The following PDE4B variants were observed in gnomAD, a reference collection of about 807,000 sequenced individuals.
PDE4B encodes the protein phosphodiesterase 4B.
PDE4B carries 20 observed loss-of-function variants against 82.2 expected under a neutral mutation model. The observed-to-expected ratio is 0.24, with a 90% CI of 0.17 to 0.35. The LOEUF is 0.35. Among genes scored for constraint, PDE4B ranks in the 10% least tolerant of loss-of-function variants. The probability of loss-of-function intolerance (pLI) is 1.00; values close to 1 mark genes in which losing one functional copy is unlikely to be tolerated. For missense variants in PDE4B, 655 were observed against 907.2 expected (o/e 0.72, Z 3.57); for synonymous variants, 320 against 318.9 (o/e 1.00, Z -0.04).
chr1:66,102,020 G>C (rs1211505504), intron 3 of PDE4B, among the ~76,000 whole-genome samples: 2 of 152,112 alleles, frequency 1.3e-5, no homozygotes, highest in Non-Finnish European at 2.9e-5. Context: ...TAAGGTGTAA[G>C]GAAGGGATCC....
At chr1:66,024,068 A>G (rs1203937345) in intron 3 of PDE4B, among the ~76,000 whole-genome samples, 3 of 152,068 alleles carry the variant, frequency 2.0e-5, no homozygotes, top group East Asian at 1.9e-4. Context: ...ACTACTTTTC[A>G]TATTCCAGCC....
intron 1 of PDE4B, among the ~76,000 whole-genome samples, chr1:65,821,907 A>C (rs570528997): frequency 6.6e-6 from 1 of 152,378 alleles, no homozygotes; most frequent in African/African-American, 2.4e-5. Flanking sequence ...TAGAAAAATA[A>C]GGTATAAATA....
At chr1:65,801,755 G>A (rs891065889) in intron 1 of PDE4B, among the ~76,000 whole-genome samples, 1 of 152,172 alleles carries the variant, frequency 6.6e-6, no homozygotes, top group Admixed American at 6.5e-5. Context: ...ATACCAATGA[G>A]TCTTGAAAAT....
At chr1:66,263,138 T>C (rs775205169) in intron 6 of PDE4B, among the ~76,000 whole-genome samples, 3 of 152,238 alleles carry the variant, frequency 2.0e-5, no homozygotes, top group Admixed American at 6.5e-5. Flanking sequence ...TTGCTTAAAT[T>C]TCTCATAGAT....
intron 3 of PDE4B, among the ~76,000 whole-genome samples, chr1:66,205,156 C>T (rs1291463708): frequency 1.3e-5 from 2 of 152,154 alleles, no homozygotes; most frequent in African/African-American, 4.8e-5. Flanking sequence ...TAGAAAGAGA[C>T]TCATGGGCCC....
intron 3 of PDE4B, among the ~76,000 whole-genome samples, chr1:66,153,856 A>G (rs1006540136): frequency 3.3e-5 from 5 of 152,132 alleles, no homozygotes; most frequent in Admixed American, 6.6e-5. Context: ...ATAGAGGAGT[A>G]GTGTGTGTGA....
chr1:66,139,101 C>G (rs934456819), intron 3 of PDE4B, among the ~76,000 whole-genome samples: 4 of 152,220 alleles, frequency 2.6e-5, no homozygotes, highest in Non-Finnish European at 5.9e-5. Flanking sequence ...CAAATTACCA[C>G]AAATTAAGTG....
At chr1:65,965,544 G>A (rs1005352570) in intron 3 of PDE4B, among the ~76,000 whole-genome samples, 1 of 151,006 alleles carries the variant, frequency 6.6e-6, no homozygotes, top group African/African-American at 2.4e-5. Context: ...TAAAATGAAT[G>A]CCCTTATTTC....
At chr1:66,260,610 G>T (rs184605471) in intron 6 of PDE4B, among the ~76,000 whole-genome samples, 18 of 152,306 alleles carry the variant, frequency 1.2e-4, no homozygotes, top group African/African-American at 3.4e-4. Context: ...AGAAGGCGGG[G>T]TGGGTGGTGG....
intron 3 of PDE4B, among the ~76,000 whole-genome samples, chr1:66,024,415 A>T (rs1171685565): frequency 6.6e-6 from 1 of 152,114 alleles, no homozygotes; most frequent in African/African-American, 2.4e-5. Context: ...GAACATTTTC[A>T]GATATGGAAA....
In PDE4B at chr1:65,921,894, G is replaced by T. The variant is rs184684314; in HGVS notation, c.281+3059G>T. ...GGCTGATGTGCCAAATAAGTCATAA[G>T]TATGGGACTGTGTGTTCTAGATCAA... On this transcript the variant is annotated intron_variant, in intron 3 of 16. Coordinates refer to ENST00000341517, the MANE Select transcript of PDE4B (RefSeq NM_002600.4). 1.8e-3 allele frequency among the ~76,000 whole-genome samples: 281 copies of T among 152,288 alleles called. 2 individuals are homozygous for T. Among genetic ancestry groups the T allele is most frequent in the African/African-American group, 6.6e-3 (275 of 41,554 alleles).
At chr1:65,910,587 C>G (rs148867929) in intron 1 of PDE4B, among the ~76,000 whole-genome samples, 2 of 152,090 alleles carry the variant, frequency 1.3e-5, no homozygotes, top group Non-Finnish European at 2.9e-5. Context: ...AGGGTATGGG[C>G]AGGGTTGAGG....
chr1:65,977,273 A>G, intron 3 of PDE4B, among the ~76,000 whole-genome samples: 1 of 152,204 alleles, frequency 6.6e-6, no homozygotes, highest in East Asian at 1.9e-4. Context: ...AGTAGGTAGC[A>G]ATATTTTAAA....
chr1:66,373,182 T>C lies in PDE4B; in HGVS notation c.*504T>C, dbSNP rs2050845571. The C allele has an allele frequency of 6.5e-6, 1 of 154,142 alleles. No homozygotes were observed. Among genetic ancestry groups the C allele is most frequent in the African/African-American group, 2.4e-5 (1 of 41,480 alleles). 9.5% of individuals were successfully genotyped at this position (154,142 alleles called of 1,614,324 possible). On this transcript the variant is annotated 3_prime_UTR_variant, in exon 17 of 17. Coordinates refer to ENST00000341517, the MANE Select transcript of PDE4B (RefSeq NM_002600.4). ...AGCTTTCAAAGTTGACAAACTTTTT[T>C]GACTCTTTCTGGAAAAGGGAAAGAA...
chr1:65,980,531 G>A (rs908240028), intron 3 of PDE4B, among the ~76,000 whole-genome samples: 9 of 152,046 alleles, frequency 5.9e-5, no homozygotes, highest in African/African-American at 2.2e-4. Context: ...ATAAAAGGGG[G>A]GTGTTGGTGT....
chr1:66,102,680 GA>G (rs919103318), intron 3 of PDE4B, among the ~76,000 whole-genome samples: 2 of 151,806 alleles, frequency 1.3e-5, no homozygotes, highest in South Asian at 2.1e-4. Flanking sequence ...TTTTGTATTA[GA>G]AAAAAACACA....
chr1:66,109,442 T>C (rs923586734), intron 3 of PDE4B, among the ~76,000 whole-genome samples: 1 of 149,422 alleles, frequency 6.7e-6, no homozygotes, highest in Non-Finnish European at 1.5e-5. Context: ...TGATGACACA[T>C]TTATGTATAA....
intron 3 of PDE4B, among the ~76,000 whole-genome samples, chr1:65,966,439 G>A (rs1000521367): frequency 6.6e-6 from 1 of 152,122 alleles, no homozygotes; most frequent in African/African-American, 2.4e-5. Context: ...CTCATGGATA[G>A]AAGAATCAAT....
chr1:65,810,657 C>T (rs1421987679), intron 1 of PDE4B, among the ~76,000 whole-genome samples: 1 of 152,134 alleles, frequency 6.6e-6, no homozygotes, highest in African/African-American at 2.4e-5. Flanking sequence ...TTCAGCATTA[C>T]ACAGAGCCAG....
Sources: allele counts gnomAD v4.1 joint callset (sites outside exome capture counted in the v4.1 genomes callset), GRCh38; gene constraint gnomAD v4.1.1; transcripts MANE v1.5; gene names NCBI Gene and HGNC (gene_info 2026-07-23, HGNC 2026-07-21).